The following CD163L1 variants were observed in gnomAD, a reference collection of about 807,000 sequenced individuals.
CD163L1 encodes CD163 molecule like 1, also known as scavenger receptor cysteine-rich type 1 protein M160.
A neutral mutation model predicts 165.4 loss-of-function variants in CD163L1; 124 were observed. The observed-to-expected ratio is 0.75, with a 90% CI of 0.65 to 0.87. CD163L1 has a LOEUF of 0.87. Among genes scored for constraint, CD163L1 ranks in the 40% least tolerant of loss-of-function variants. The pLI is 0.00. For synonymous variants in CD163L1, 585 were observed against 662.2 expected, an observed-to-expected ratio of 0.88 and a Z score of 1.79; for missense variants, 1,525 against 1,799.9, an observed-to-expected ratio of 0.85 and a Z score of 2.76.
At chr12:7,365,194 CTGGGAAAACT>C (rs1341236062) in intron 18 of CD163L1, among the ~76,000 whole-genome samples, 3 of 152,072 alleles carry the variant, frequency 2.0e-5, no homozygotes, top group Non-Finnish European at 4.4e-5. Context: ...ATAAATGGCA[CTGGGAAAACT>C]GGATAACCAC....
chr12:7,322,913 G>C, the CD163L1 span, among the ~76,000 whole-genome samples: 1 of 152,028 alleles, frequency 6.6e-6, no homozygotes, highest in Admixed American at 6.6e-5. Context: ...TTCAAAGTGT[G>C]GCCCTCAAAC....
intron 2 of CD163L1, 90 bp from the exon 3 acceptor site, chr12:7,433,784 G>A (rs1948673135): frequency 2.1e-6 from 2 of 956,028 alleles, no homozygotes; most frequent in East Asian, 2.5e-5. Flanking sequence ...TGATCATTTA[G>A]TTTAAATGTT....
chr12:7,411,536 C>T (rs1392081007), intron 4 of CD163L1, among the ~76,000 whole-genome samples: 1 of 152,118 alleles, frequency 6.6e-6, no homozygotes, highest in African/African-American at 2.4e-5. Flanking sequence ...CTGGCACCTC[C>T]CCCACCACCT....
the CD163L1 span, chr12:7,320,721 CCAGA>C: frequency 6.2e-7 from 1 of 1,611,214 alleles, no homozygotes; most frequent in Non-Finnish European, 8.5e-7. Context: ...TCTCCATCAT[CCAGA>C]CACTTACTAC....
intron 4 of CD163L1, among the ~76,000 whole-genome samples, chr12:7,429,677 A>C (rs1284120661): frequency 1.3e-5 from 2 of 151,892 alleles, no homozygotes; most frequent in Admixed American, 1.3e-4. Context: ...CAATCCATCC[A>C]CTTATCTCTA....
chr12:7,437,403 G>A (rs889489308), intron 2 of CD163L1, among the ~76,000 whole-genome samples: 16 of 151,064 alleles, frequency 1.1e-4, no homozygotes, highest in African/African-American at 3.9e-4. Context: ...TGTTACATAT[G>A]TATACATGTG....
In CD163L1 at chr12:7,355,063, G is replaced by C. The variant is rs1377582471; in HGVS notation, c.*92C>G. 1.3e-5 allele frequency: 2 copies of C among 152,114 alleles called. No homozygotes were observed. Among genetic ancestry groups the C allele is most frequent in the African/African-American group, 4.8e-5 (2 of 41,428 alleles). 9.4% of individuals were successfully genotyped at this position (152,114 alleles called of 1,614,324 possible). A position where few individuals can be genotyped will look rare whatever the true frequency, so the allele number is the denominator to read the frequency against. On this transcript the variant is annotated 3_prime_UTR_variant, in exon 20 of 20. Coordinates refer to ENST00000313599, the MANE Select transcript of CD163L1 (RefSeq NM_174941.6). ...ATGTTATTTGGACAAGTTTTCCATA[G>C]GGCAACTTGACTTCCTCTTTATTCA... is the stretch of plus-strand genomic sequence containing the variant.
intron 18 of CD163L1, among the ~76,000 whole-genome samples, chr12:7,359,465 G>A (rs954990664): frequency 9.9e-5 from 15 of 151,900 alleles, no homozygotes; most frequent in Non-Finnish European, 2.1e-4. Context: ...AATATTTAGT[G>A]TGAAAAAAAG....
intron 4 of CD163L1, among the ~76,000 whole-genome samples, chr12:7,429,746 GTCT>G (rs1387875776): frequency 6.6e-6 from 1 of 151,998 alleles, no homozygotes; most frequent in African/African-American, 2.4e-5. Flanking sequence ...CTCCTTCAGG[GTCT>G]TCTTAACTTC....
Position 7,400,796 on chromosome 12 carries a change from T to G in CD163L1, c.1409-2212A>C, listed in dbSNP as rs770378281. On this transcript the variant is annotated intron_variant, in intron 6 of 19. Transcript: ENST00000313599. This position sits in a 1 kb window ranked among gnomAD's most constrained non-coding sequence, Gnocchi z 4.1. The stretch of plus-strand genomic sequence containing the variant: ...ATGAAAAATAAGAATACTTAGGCAA[T>G]ATATATCTCAGTAGGTATTAGCCTA... Among the ~76,000 whole-genome samples the G allele has an allele frequency of 1.3e-5, 2 of 152,170 alleles. No individual in the cohort carries two copies. Among genetic ancestry groups the G allele is most frequent in the Non-Finnish European group, 2.9e-5 (2 of 68,026 alleles).
chr12:7,423,126 GTC>G (rs1322914278), intron 4 of CD163L1, among the ~76,000 whole-genome samples: 1 of 152,052 alleles, frequency 6.6e-6, no homozygotes, highest in African/African-American at 2.4e-5. Flanking sequence ...ATAACAAACA[GTC>G]TCTCAGGCCA....
intron 4 of CD163L1, among the ~76,000 whole-genome samples, chr12:7,422,270 G>A (rs1245121468): frequency 6.6e-6 from 1 of 152,076 alleles, no homozygotes; most frequent in East Asian, 1.9e-4. Flanking sequence ...TGTCCACACA[G>A]AAACCCCATG....
chr12:7,355,253 G>A lies in CD163L1; in HGVS notation c.*25-123C>T, dbSNP rs186672233. The A allele has an allele frequency of 2.6e-5, 4 of 152,142 alleles. No homozygotes were observed. In the East Asian group the frequency reaches 7.7e-4, roughly 29 times the overall value. The allele number at this position is 152,142 out of a possible 1,614,324, so 9.4% of individuals were successfully genotyped here. On this transcript the variant is annotated intron_variant, in intron 19 of 19. Transcript: ENST00000313599. ...CACAAACACACACACAACCCACAAA[G>A]AATTGATCAATTAGGACAGATTTAG...
chr12:7,331,983 C>A, the CD163L1 span, among the ~76,000 whole-genome samples: 1 of 152,050 alleles, frequency 6.6e-6, no homozygotes, highest in Non-Finnish European at 1.5e-5. Context: ...TCAAACTACT[C>A]TGAGCTAAAG....
chr12:7,421,764 TA>T (rs57632015), intron 4 of CD163L1, among the ~76,000 whole-genome samples: 22,296 of 127,074 alleles, frequency 0.18, 2,014 homozygotes, highest in South Asian at 0.28. Context: ...TATATATATA[TA>T]TATATTTTTT....
At chr12:7,441,356 C>G (rs181547009) in intron 1 of CD163L1, 110 bp from the exon 2 acceptor site, 18 of 766,928 alleles carry the variant, frequency 2.3e-5, no homozygotes, top group Non-Finnish European at 3.9e-5. Flanking sequence ...ATGAATTATT[C>G]TTCCACCTGT....
In CD163L1 at chr12:7,363,020, C is replaced by G. The variant is rs1946937558; in HGVS notation, c.4279+4216G>C. 2.0e-5 allele frequency among the ~76,000 whole-genome samples: 3 copies of G among 151,616 alleles called. No individual in the cohort carries two copies. The South Asian group carries it at 6.2e-4, about 32-fold the overall frequency. Reference sequence around the variant, plus strand: ...ACAACATACTGAAATATATGGGATACAGCAAAAAACAAAAATATACACGAA... The same window carrying G: ...ACAACATACTGAAATATATGGGATAGAGCAAAAAACAAAAATATACACGAA... On this transcript the variant is annotated intron_variant, in intron 18 of 19. Coordinates refer to ENST00000313599, the MANE Select transcript of CD163L1 (RefSeq NM_174941.6).
At chr12:7,334,797 A>C in the CD163L1 span, among the ~76,000 whole-genome samples, 2 of 152,362 alleles carry the variant, frequency 1.3e-5, no homozygotes, top group Admixed American at 1.3e-4. Context: ...GCAAAGTATC[A>C]GGATACAAAA....
At chr12:7,404,175 G>A (rs909569940) in intron 5 of CD163L1, among the ~76,000 whole-genome samples, 4 of 151,802 alleles carry the variant, frequency 2.6e-5, no homozygotes, top group Non-Finnish European at 4.4e-5. Flanking sequence ...ACTAAACATT[G>A]CAATAAAAAG....
Sources: allele counts gnomAD v4.1 joint callset (sites outside exome capture counted in the v4.1 genomes callset), GRCh38; gene constraint gnomAD v4.1.1; non-coding constraint Gnocchi (gnomAD v3.1); transcripts MANE v1.5; gene names NCBI Gene and HGNC (gene_info 2026-07-23, HGNC 2026-07-21).